The following FSIP2 variants were observed in gnomAD, a reference collection of about 807,000 sequenced individuals.
FSIP2 encodes the protein fibrous sheath-interacting protein 2.
Under a neutral mutation model 510.5 loss-of-function variants are expected in FSIP2, and 367 were observed. The observed-to-expected ratio is 0.72, with a 90% CI of 0.66 to 0.78. The LOEUF is 0.78. FSIP2 is among the 30% of genes least tolerant of loss of function. FSIP2 has a pLI of 0.00. For synonymous variants in FSIP2, 2,601 were observed against 2,732.2 expected, an observed-to-expected ratio of 0.95 and a Z score of 1.50; for missense variants, 7,594 against 7,901.7, an observed-to-expected ratio of 0.96 and a Z score of 1.48.
chr2:185,745,340 C>A, intron 4 of FSIP2, 89 bp from the exon 5 acceptor site: 1 of 773,924 alleles, frequency 1.3e-6, no homozygotes, highest in Non-Finnish European at 1.9e-6. Context: ...CAGAATTAAG[C>A]ATTTATAAAA....
intron 17 of FSIP2, among the ~76,000 whole-genome samples, chr2:185,809,632 C>T (rs552205774): frequency 3.9e-5 from 6 of 152,154 alleles, no homozygotes; most frequent in African/African-American, 9.6e-5. Context: ...CATCAGCAAA[C>T]GTTGGACTGC....
Position 185,807,199 on chromosome 2 carries a change from A to G in FSIP2, c.17893A>G (p.Ile5965Val), listed in dbSNP as rs950645940. 6.2e-7 allele frequency: 1 copy of G among 1,602,262 alleles called. No homozygotes were observed. ...NEIFQRQVNLIFCDEVSVSAC... is the reference protein window; with the variant it reads ...NEIFQRQVNLVFCDEVSVSAC... ...AATTTTCCAACGTCAGGTTAACTTG[A>G]TATTTTGTGATGAGGTTTCAGTTTC... The change falls in exon 17 of 23, where the codon ATA becomes GTA. Residue 5965 changes from isoleucine (I) to valine (V), a missense_variant. Ile to Val is a conservative substitution (Grantham distance 29). Coordinates refer to ENST00000424728, the MANE Select transcript of FSIP2 (RefSeq NM_173651.4).
At position 185,804,628 on chromosome 2, in the gene FSIP2, C is replaced by T. The variant is rs1693517525; in HGVS notation, c.15322C>T (p.Pro5108Ser). 1.3e-5 allele frequency: 20 copies of T among 1,533,090 alleles called. No homozygotes were observed. In the South Asian group the frequency reaches 1.8e-4, roughly 14 times the overall value. The allele number at this position is 1,533,090 out of a possible 1,614,324, so 95.0% of individuals were successfully genotyped here. A position where few individuals can be genotyped will look rare whatever the true frequency, so the allele number is the denominator to read the frequency against. The change falls in exon 17 of 23, where the codon CCA becomes TCA. Residue 5108 changes from proline (P) to serine (S), a missense_variant. By Grantham distance (74) the Pro-to-Ser change is moderately conservative. Transcript: ENST00000424728. ...IITKDSHALP[P>S]YITVLPHSLL... ...CACAAAGGATAGCCATGCCTTGCCA[C>T]CATATATTACTGTGTTGCCTCATTC... is the stretch of plus-strand genomic sequence containing the variant.
Position 185,802,573 on chromosome 2 carries a change from T to C in FSIP2, c.13267T>C (p.Ser4423Pro). Residue 4423 changes from serine (S) to proline (P), a missense_variant, in exon 17 of 23, where the codon TCT (serine) becomes CCT (proline). Physicochemically the swap from Ser to Pro is moderately conservative, Grantham distance 74. Coordinates refer to ENST00000424728, the MANE Select transcript of FSIP2 (RefSeq NM_173651.4). ...ISDYLLHPLFSGDFSASTYSN... is the reference protein window; with the variant it reads ...ISDYLLHPLFPGDFSASTYSN... The stretch of plus-strand genomic sequence containing the variant: ...AGATTACCTTCTTCATCCACTGTTT[T>C]CTGGGGATTTTTCAGCTTCTACCTA... 6.5e-7 allele frequency: 1 copy of C among 1,530,696 alleles called. No individual in the cohort carries two copies. Among genetic ancestry groups the C allele is most frequent in the Non-Finnish European group, 8.7e-7 (1 of 1,144,472 alleles). 94.8% of individuals were successfully genotyped at this position (1,530,696 alleles called of 1,614,324 possible). A position where few individuals can be genotyped will look rare whatever the true frequency, so the allele number is the denominator to read the frequency against.
chr2:185,754,819 C>T (rs542426944), intron 8 of FSIP2, among the ~76,000 whole-genome samples: 6 of 151,354 alleles, frequency 4.0e-5, no homozygotes, highest in Non-Finnish European at 8.9e-5. Flanking sequence ...CATTTTCTAG[C>T]GATGTTATGG....
chr2:185,806,819 A>C lies in FSIP2; in HGVS notation c.17513A>C (p.Glu5838Ala), dbSNP rs776202173. ...AMKLINSLLK[E>A]FSDAQIKVFR... The stretch of plus-strand genomic sequence containing the variant: ...AAACTCATCAATTCACTGTTAAAGG[A>C]GTTCTCAGATGCTCAAATTAAGGTT... Residue 5838 changes from glutamate (E) to alanine (A), a missense_variant, in exon 17 of 23, where the codon GAG (glutamate) becomes GCG (alanine). Transcript: ENST00000424728. 1 of 1,610,418 alleles carries C rather than the reference A, an allele frequency of 6.2e-7. No individual in the cohort carries two copies. The highest frequency in any genetic ancestry group is 1.1e-5 in the South Asian group (1 of 90,406).
chr2:185,810,094 C>T (rs1693694360), intron 17 of FSIP2, among the ~76,000 whole-genome samples: 1 of 151,980 alleles, frequency 6.6e-6, no homozygotes, highest in Non-Finnish European at 1.5e-5. Context: ...GGAGCATAAG[C>T]TTAGAGTAAA....
Position 185,806,098 on chromosome 2 carries a change from G to T in FSIP2, c.16792G>T (p.Glu5598Ter). 1 of 1,575,280 alleles carries T rather than the reference G, an allele frequency of 6.3e-7. No individual in the cohort carries two copies. The highest frequency in any genetic ancestry group is 8.6e-7 in the Non-Finnish European group (1 of 1,165,682). ...AATTGATGATACAGAATATGAGAAG[G>T]AAGTACTTGGATCAGATTCTGAAAT... ...LIIDDTEYEKEVLGSDSEIGY... is the reference protein window; with the variant it reads ...LIIDDTEYEK Residue 5598 changes from glutamate (E) to a stop codon, truncating the protein, a stop_gained, in exon 17 of 23, where the codon GAA (glutamate) becomes TAA (stop). Transcript: ENST00000424728. LOFTEE classifies it high-confidence loss of function.
chr2:185,800,608 T>G lies in FSIP2; in HGVS notation c.11302T>G (p.Cys3768Gly). 1.3e-6 allele frequency: 2 copies of G among 1,532,326 alleles called. No individual in the cohort carries two copies. The highest frequency in any genetic ancestry group is 1.7e-6 in the Non-Finnish European group (2 of 1,145,182). 94.9% of individuals were successfully genotyped at this position (1,532,326 alleles called of 1,614,324 possible). The change falls in exon 17 of 23, where the codon TGC becomes GGC. Residue 3768 changes from cysteine (C) to glycine (G), a missense_variant. By Grantham distance (159) the Cys-to-Gly change is radical. Transcript: ENST00000424728. ...EKLIRILLEE[C>G]TSTAFPDKGS... ...ACTTATCAGAATACTTTTGGAAGAATGCACAAGCACTGCTTTTCCTGATAA... is the reference window on the plus strand; with the variant it reads ...ACTTATCAGAATACTTTTGGAAGAAGGCACAAGCACTGCTTTTCCTGATAA...
At chr2:185,742,992 C>A in intron 2 of FSIP2, 141 bp from the exon 3 acceptor site, 2 of 614,146 alleles carry the variant, frequency 3.3e-6, no homozygotes, top group Non-Finnish European at 5.3e-6. Flanking sequence ...GCATGCCCAA[C>A]TCCAATTTTT....
Position 185,790,638 on chromosome 2 carries a change from C to A in FSIP2, c.3502C>A (p.Gln1168Lys), listed in dbSNP as rs1025869283. ...TGTTTCAGAAATCAGTACAGTGGCT[C>A]AAGAAATAACAGATTCTGTGTTAAA... The part of the protein sequence containing the change: ...FSVSEISTVA[Q>K]EITDSVLNIL... The change falls in exon 16 of 23, where the codon CAA (glutamine) becomes AAA (lysine). Residue 1168 changes from glutamine to lysine, a missense_variant. Coordinates refer to ENST00000424728, the MANE Select transcript of FSIP2 (RefSeq NM_173651.4). 3 of 1,533,760 alleles carry A rather than the reference C, an allele frequency of 2.0e-6. No homozygotes were observed. The African/African-American group carries it at 4.1e-5, about 21-fold the overall frequency.
chr2:185,737,333 C>G (rs191892031), upstream of FSIP2, among the ~76,000 whole-genome samples: 7 of 152,062 alleles, frequency 4.6e-5, no homozygotes, highest in Admixed American at 4.6e-4. Context: ...GCGCTGAGGG[C>G]AGTTGGGAGT....
rs757110667 is a variant in FSIP2, at chr2:185,790,373, T to A, written c.3237T>A (p.Asp1079Glu). Reference protein sequence around the residue: ...KTEPPSTNHEDILKKKLSSNK... With the variant: ...KTEPPSTNHEEILKKKLSSNK... Reference sequence around the variant, plus strand: ...AGCCACCATCTACTAATCATGAAGATATTTTAAAGAAAAAACTTTCTTCGA... The same window carrying A: ...AGCCACCATCTACTAATCATGAAGAAATTTTAAAGAAAAAACTTTCTTCGA... The change falls in exon 16 of 23, where the codon GAT becomes GAA. Residue 1079 changes from aspartate (D) to glutamate (E), a missense_variant. Asp to Glu is a conservative substitution (Grantham distance 45). Transcript: ENST00000424728. The A allele has an allele frequency of 3.9e-6, 6 of 1,528,480 alleles. No individual in the cohort carries two copies. In the South Asian group the frequency reaches 6.1e-5, roughly 15 times the overall value. 94.7% of individuals were successfully genotyped at this position (1,528,480 alleles called of 1,614,324 possible).
chr2:185,764,392 T>A (rs902697664), intron 12 of FSIP2, 110 bp from the exon 13 acceptor site: 2 of 557,594 alleles, frequency 3.6e-6, no homozygotes. Flanking sequence ...TAAAGAGAAA[T>A]TCTCAAAATC....
In FSIP2 at chr2:185,790,519, A is replaced by G. The variant is rs1428850866; in HGVS notation, c.3383A>G (p.His1128Arg). ...LKDISSVPFGHLDSKTGSEAS... is the reference protein window; with the variant it reads ...LKDISSVPFGRLDSKTGSEAS... ...GACATATCTTCCGTTCCTTTTGGTC[A>G]CTTAGACAGCAAAACTGGCAGTGAA... is the stretch of plus-strand genomic sequence containing the variant. Residue 1128 changes from histidine (H) to arginine (R), a missense_variant, in exon 16 of 23, where the codon CAC becomes CGC. Physicochemically the swap from His to Arg is conservative, Grantham distance 29. Coordinates refer to ENST00000424728, the MANE Select transcript of FSIP2 (RefSeq NM_173651.4). 2.0e-6 allele frequency: 3 copies of G among 1,534,220 alleles called. No individual in the cohort carries two copies. Among genetic ancestry groups the G allele is most frequent in the East Asian group, 2.4e-5 (1 of 40,840 alleles).
intron 12 of FSIP2, among the ~76,000 whole-genome samples, chr2:185,763,807 A>G (rs1247818051): frequency 6.6e-6 from 1 of 151,600 alleles, no homozygotes; most frequent in African/African-American, 2.4e-5. Context: ...AGAATTCTTC[A>G]TAACTAGAGT....
At position 185,796,245 on chromosome 2, in the gene FSIP2, A is replaced by G; in HGVS notation, c.9109A>G (p.Lys3037Glu). 1 of 1,529,856 alleles carries G rather than the reference A, an allele frequency of 6.5e-7. No homozygotes were observed. Among genetic ancestry groups the G allele is most frequent in the Non-Finnish European group, 8.7e-7 (1 of 1,144,376 alleles). 94.8% of individuals were successfully genotyped at this position (1,529,856 alleles called of 1,614,324 possible). ...TTCTATCCAACAGAAACTGTTAAAC[A>G]AAAAAATGTTGCCAAAATTACAACC... ...LSSIQQKLLN[K>E]KMLPKLQPLK... The change falls in exon 16 of 23, where the codon AAA (lysine) becomes GAA (glutamate). Residue 3037 changes from lysine (K) to glutamate (E), a missense_variant. Coordinates refer to ENST00000424728, the MANE Select transcript of FSIP2 (RefSeq NM_173651.4).
In FSIP2 at chr2:185,808,376, C is replaced by T; in HGVS notation, c.19070C>T (p.Ala6357Val). 1.2e-6 allele frequency: 2 copies of T among 1,611,314 alleles called. No homozygotes were observed. The highest frequency in any genetic ancestry group is 1.7e-6 in the Non-Finnish European group (2 of 1,179,044). ...GAAGAGGTGTTGGCCTTGTTCTTGG[C>T]TAAACTAATAAGGTTGCCAAGTTCC... ...LLEEVLALFL[A>V]KLIRLPSSSS... Residue 6357 changes from alanine to valine, a missense_variant, in exon 17 of 23, where the codon GCT (alanine) becomes GTT (valine). Coordinates refer to ENST00000424728, the MANE Select transcript of FSIP2 (RefSeq NM_173651.4).
chr2:185,815,703 G>A (rs563712783), intron 19 of FSIP2, among the ~76,000 whole-genome samples: 3 of 152,010 alleles, frequency 2.0e-5, no homozygotes, highest in East Asian at 2.0e-4. Context: ...CCAGTTTCTA[G>A]TGTATCAGTG....
Sources: gnomAD v4.1 joint callset for allele counts (sites outside exome capture counted in the v4.1 genomes callset) on GRCh38, gnomAD v4.1.1 for gene constraint, MANE v1.5 for transcripts, NCBI Gene and HGNC (gene_info 2026-07-23, HGNC 2026-07-21) for gene names.